Variants in GSK3B observed in about 807,000 individuals in gnomAD.
GSK3B encodes the protein glycogen synthase kinase-3 beta.
Under a neutral mutation model 56.4 loss-of-function variants are expected in GSK3B, and 15 were observed. That is an observed-to-expected ratio of 0.27 (90% CI 0.18 to 0.41). The LOEUF is 0.41. Among genes scored for constraint, GSK3B ranks in the 10% least tolerant of loss-of-function variants. The probability of loss-of-function intolerance (pLI) is 1.00; values close to 1 mark genes in which losing one functional copy is unlikely to be tolerated. For missense variants in GSK3B, 300 were observed against 513.4 expected (o/e 0.58, Z 4.02); for synonymous variants, 181 against 188.9 (o/e 0.96, Z 0.34).
chr3:119,916,635 C>A (rs1457837867), intron 4 of GSK3B, among the ~76,000 whole-genome samples: 1 of 152,054 alleles, frequency 6.6e-6, no homozygotes, highest in African/African-American at 2.4e-5. Flanking sequence ...AACGTATTTC[C>A]AAAGTGTGAT....
intron 3 of GSK3B, among the ~76,000 whole-genome samples, chr3:119,939,752 TTTC>T (rs2057029026): frequency 6.6e-6 from 1 of 152,038 alleles, no homozygotes. Context: ...AACATCCAGG[TTTC>T]TTATTTTAAT....
chr3:119,832,304 T>G (rs2055614471), intron 10 of GSK3B, among the ~76,000 whole-genome samples: 1 of 152,252 alleles, frequency 6.6e-6, no homozygotes, highest in East Asian at 1.9e-4. Context: ...GCAGAGCTTC[T>G]GCCTCCAGGC....
Position 120,039,950 on chromosome 3 carries a change from G to A in GSK3B, c.89-37711C>T, listed in dbSNP as rs978418210. 9.9e-5 allele frequency among the ~76,000 whole-genome samples: 15 copies of A among 152,168 alleles called. No individual in the cohort carries two copies. The East Asian group carries it at 2.1e-3, about 21-fold the overall frequency. On this transcript the variant is annotated intron_variant, in intron 1 of 10. Coordinates refer to ENST00000264235, the MANE Select transcript of GSK3B (RefSeq NM_001146156.2). ...TTGGTCCTCTCCCGTGAAGAGGTGC[G>A]CCCCACTGCCTCGTTGCAGCAGCCT...
At chr3:119,890,486 C>T (rs2056489511) in intron 7 of GSK3B, among the ~76,000 whole-genome samples, 1 of 152,048 alleles carries the variant, frequency 6.6e-6, no homozygotes, top group Admixed American at 6.6e-5. Flanking sequence ...AAACTGACCA[C>T]AAAGGAGAAT....
At chr3:120,020,189 C>T (rs1008708673) in intron 1 of GSK3B, among the ~76,000 whole-genome samples, 8 of 152,210 alleles carry the variant, frequency 5.3e-5, no homozygotes, top group Middle Eastern at 3.4e-3. Flanking sequence ...GTAATAACTA[C>T]GAGTTTTGTC....
At chr3:119,838,261 T>C (rs779880059) in intron 10 of GSK3B, among the ~76,000 whole-genome samples, 7 of 152,052 alleles carry the variant, frequency 4.6e-5, no homozygotes, top group Non-Finnish European at 1.0e-4. Flanking sequence ...TACTCCAGTC[T>C]GGGCAACAGT....
intron 7 of GSK3B, among the ~76,000 whole-genome samples, chr3:119,879,458 G>C (rs111670118): frequency 0.012 from 1,838 of 152,158 alleles, 32 homozygotes; most frequent in African/African-American, 0.042. Flanking sequence ...TGGGATTACA[G>C]GTGTGAGCCA....
intron 8 of GSK3B, among the ~76,000 whole-genome samples, chr3:119,874,453 T>C (rs1219903453): frequency 1.3e-5 from 2 of 152,026 alleles, no homozygotes; most frequent in Non-Finnish European, 2.9e-5. Context: ...TATCTTATTG[T>C]ACTACATCAC....
At chr3:119,916,636 A>G (rs2056784479) in intron 4 of GSK3B, among the ~76,000 whole-genome samples, 1 of 152,136 alleles carries the variant, frequency 6.6e-6, no homozygotes, top group Admixed American at 6.5e-5. Context: ...ACGTATTTCC[A>G]AAGTGTGATC....
rs906483430 is a variant in GSK3B, at chr3:120,059,030, T to C, written c.88+34317A>G. Among the ~76,000 whole-genome samples the C allele has an allele frequency of 1.8e-4, 27 of 147,446 alleles. No homozygotes were observed. In the South Asian group the frequency reaches 2.1e-3, roughly 12 times the overall value. ...GTCTCAAAAAAAAAAAAAAAAAGAA[T>C]GCATGTCAAGAGTGTAAGATATAAT... On this transcript the variant is annotated intron_variant, in intron 1 of 10. Coordinates refer to ENST00000264235, the MANE Select transcript of GSK3B (RefSeq NM_001146156.2).
chr3:120,078,678 G>A (rs902227688), intron 1 of GSK3B, among the ~76,000 whole-genome samples: 9 of 150,842 alleles, frequency 6.0e-5, no homozygotes, highest in Admixed American at 3.3e-4. Flanking sequence ...TCAGCCTCCC[G>A]TGTAGCTGGG....
intron 9 of GSK3B, among the ~76,000 whole-genome samples, chr3:119,851,599 C>T (rs996545626): frequency 1.3e-5 from 2 of 152,138 alleles, no homozygotes; most frequent in Non-Finnish European, 2.9e-5. Flanking sequence ...TCTCCTCTTA[C>T]AGTGATGTAA....
At chr3:119,860,513 C>A (rs1019626752) in intron 9 of GSK3B, among the ~76,000 whole-genome samples, 1 of 152,134 alleles carries the variant, frequency 6.6e-6, no homozygotes, top group African/African-American at 2.4e-5. Flanking sequence ...TCTCTCCTTC[C>A]TCTATCTGAA....
At chr3:119,859,666 A>G (rs1419108262) in intron 9 of GSK3B, among the ~76,000 whole-genome samples, 1 of 151,944 alleles carries the variant, frequency 6.6e-6, no homozygotes, top group Non-Finnish European at 1.5e-5. Flanking sequence ...TTTGTTTTTT[A>G]TATCTCAATC....
In GSK3B at chr3:119,975,900, TCTGTAAAAC is replaced by T. The variant is rs2107519754; in HGVS notation, c.282+26137_282+26145del. Among the ~76,000 whole-genome samples the T allele has an allele frequency of 2.0e-5, 3 of 152,336 alleles. No homozygotes were observed. In the South Asian group the frequency reaches 6.2e-4, roughly 32 times the overall value. ...ATTCTCTGTACTTTCCACTCACTTT[TCTGTAAAAC>T]TACAACTGTTCAAATAGACATTTCT... is the stretch of plus-strand genomic sequence containing the variant. On this transcript the variant is annotated intron_variant, in intron 2 of 10. Coordinates refer to ENST00000264235, the MANE Select transcript of GSK3B (RefSeq NM_001146156.2).
At chr3:120,001,927 T>C in intron 2 of GSK3B, 119 bp downstream of exon 2, 1 of 588,948 alleles carries the variant, frequency 1.7e-6, no homozygotes, top group Non-Finnish European at 2.9e-6. Context: ...ATGGTTGAGC[T>C]GAACAAAAAT....
intron 7 of GSK3B, among the ~76,000 whole-genome samples, chr3:119,888,398 T>A (rs2056464071): frequency 6.6e-6 from 1 of 152,178 alleles, no homozygotes; most frequent in South Asian, 2.1e-4. Context: ...TCTCTGAACA[T>A]AAATTGTGAA....
chr3:120,027,777 T>A (rs994488080), intron 1 of GSK3B, among the ~76,000 whole-genome samples: 2 of 152,182 alleles, frequency 1.3e-5, no homozygotes, highest in African/African-American at 4.8e-5. Flanking sequence ...AAGTAAACAG[T>A]TTTCTCTAGA....
chr3:120,035,659 C>T (rs187784117), intron 1 of GSK3B, among the ~76,000 whole-genome samples: 11 of 152,220 alleles, frequency 7.2e-5, no homozygotes, highest in Admixed American at 5.2e-4. Context: ...TTTCTTTCAA[C>T]GATGTTTTGT....
Sources: allele counts gnomAD v4.1 joint callset (sites outside exome capture counted in the v4.1 genomes callset), GRCh38; gene constraint gnomAD v4.1.1; transcripts MANE v1.5; gene names NCBI Gene and HGNC (gene_info 2026-07-23, HGNC 2026-07-21).